CHTF18: variants seen among roughly 807,000 people sequenced by gnomAD.
The protein encoded by CHTF18 is chromosome transmission fidelity factor 18.
CHTF18 carries 151 observed loss-of-function variants against 113.4 expected under a neutral mutation model. That is an observed-to-expected ratio of 1.33 (90% CI 1.17 to 1.52). The LOEUF (loss-of-function observed/expected upper bound fraction) is 1.52. Ranked by LOEUF, CHTF18 falls within the 40% of genes most tolerant of loss-of-function variation. The probability of loss-of-function intolerance (pLI) is 0.00; values close to 1 mark genes in which losing one functional copy is unlikely to be tolerated. For synonymous variants in CHTF18, 916 were observed against 598.8 expected (o/e 1.53, Z -7.74); for missense variants, 1,982 against 1,381.6 (o/e 1.43, Z -6.89).
chr16:788,696 C>G lies in CHTF18; in HGVS notation c.12C>G (p.Tyr4Ter), dbSNP rs1322212197. Reference sequence around the variant, plus strand: ...GGCTCGCGGACGGTATGGAGGACTACGAGCAGGAGCTGTGCGGCGTCGAGG... The same window carrying G: ...GGCTCGCGGACGGTATGGAGGACTAGGAGCAGGAGCTGTGCGGCGTCGAGG... The part of the protein sequence containing the change: MED[Y>*]EQELCGVEDD... The change falls in exon 1 of 22, where the codon TAC (tyrosine) becomes TAG (stop). Residue 4 changes from tyrosine (Y) to a stop codon, truncating the protein, a stop_gained. Transcript: ENST00000262315. LOFTEE classifies it high-confidence loss of function. 23 of 1,594,460 alleles carry G rather than the reference C, an allele frequency of 1.4e-5. No individual in the cohort carries two copies. The highest frequency in any genetic ancestry group is 3.4e-5 in the Admixed American group (2 of 57,976).
chr16:796,112 T>C, intron 18 of CHTF18, 35 bp downstream of exon 18: 1 of 1,582,888 alleles, frequency 6.3e-7, no homozygotes, highest in Non-Finnish European at 8.6e-7. Context: ...TGCTCCAGGG[T>C]CATGCTCCCC....
In CHTF18 at chr16:789,480, C is replaced by T. The variant is rs185791548; in HGVS notation, c.438-67C>T. The T allele has an allele frequency of 1.1e-4, 169 of 1,543,122 alleles. No homozygotes were observed. In the African/African-American group the frequency reaches 1.5e-3, roughly 14 times the overall value. ...AGGGTTCCATGGCTGAGAGCAGTCT[C>T]GGACACCCATATCCAAGGGTGACCC... On this transcript the variant is annotated intron_variant, in intron 3 of 21. Coordinates refer to ENST00000262315, the MANE Select transcript of CHTF18 (RefSeq NM_022092.3).
chr16:795,270 T>C lies in CHTF18; in HGVS notation c.2089T>C (p.Tyr697His). The C allele has an allele frequency of 6.5e-7, 1 of 1,549,108 alleles. No homozygotes were observed. Among genetic ancestry groups the C allele is most frequent in the Non-Finnish European group, 8.7e-7 (1 of 1,146,760 alleles). Residue 697 changes from tyrosine to histidine, a missense_variant, in exon 16 of 22, where the codon TAC becomes CAC. By Grantham distance (83) the Tyr-to-His change is moderately conservative (BLOSUM62 2). Coordinates refer to ENST00000262315, the MANE Select transcript of CHTF18 (RefSeq NM_022092.3). ...CAGCCAGAGCTTCCAGCTGCTGCGC[T>C]ACCCACCCTTCCTGCCCGTGGCCTT... The part of the protein sequence containing the change: ...HHSQSFQLLR[Y>H]PPFLPVAFHV...
At chr16:791,572 G>A (rs369761249) in intron 8 of CHTF18, 7 of 1,433,648 alleles carry the variant, frequency 4.9e-6, no homozygotes, top group Admixed American at 5.7e-5. Flanking sequence ...AGGGCTCTGC[G>A]GCTGGCCAGG....
intron 7 of CHTF18, 196 bp from the exon 8 acceptor site, chr16:790,965 A>G (rs2042180480): frequency 7.0e-7 from 1 of 1,436,428 alleles, no homozygotes; most frequent in Non-Finnish European, 9.1e-7. Flanking sequence ...GGCCTCCCAG[A>G]TGGGTTGTGG....
rs759726281 is a variant in CHTF18, at chr16:791,364, G to A, written c.1098G>A (p.Lys366=). 2.4e-5 allele frequency: 38 copies of A among 1,601,684 alleles called. No homozygotes were observed. Among genetic ancestry groups the A allele is most frequent in the East Asian group, 2.2e-5 (1 of 44,630 alleles). Residue 366 remains lysine (K), a synonymous_variant, in exon 8 of 22, where the codon AAG becomes AAA. Coordinates refer to ENST00000262315, the MANE Select transcript of CHTF18 (RefSeq NM_022092.3). ...EAGLDPSQRP[K]QKVALLCGPP... The stretch of plus-strand genomic sequence containing the variant: ...GGCTGGACCCGAGCCAGCGACCGAA[G>A]CAGAAGGTGAGCCCCGCTGGCTGTG...
chr16:791,622 C>T (rs2042198145), intron 8 of CHTF18: 1 of 1,430,054 alleles, frequency 7.0e-7, no homozygotes, highest in South Asian at 1.5e-5. Flanking sequence ...GGGGGCCAGT[C>T]ACACTGGTAT....
At position 791,385 on chromosome 16, in the gene CHTF18, C is replaced by T; in HGVS notation, c.1104+15C>T. 2 of 1,585,912 alleles carry T rather than the reference C, an allele frequency of 1.3e-6. No individual in the cohort carries two copies. The highest frequency in any genetic ancestry group is 1.1e-5 in the South Asian group (1 of 88,628). ...CGAAGCAGAAGGTGAGCCCCGCTGG[C>T]TGTGCCGCCGGGAACAAGCCTGAGG... is the stretch of plus-strand genomic sequence containing the variant. On this transcript the variant is annotated intron_variant, in intron 8 of 21. Transcript: ENST00000262315.
chr16:797,121 A>AC, intron 20 of CHTF18, 29 bp downstream of exon 20: 1 of 1,492,136 alleles, frequency 6.7e-7, no homozygotes. Context: ...TGGGGGTGGG[A>AC]CCAGGGTACA....
At position 794,076 on chromosome 16, in the gene CHTF18, G is replaced by A. The variant is rs377736001; in HGVS notation, c.1825G>A (p.Ala609Thr). The change falls in exon 15 of 22, where the codon GCC becomes ACC. Residue 609 changes from alanine (A) to threonine (T), a missense_variant. Coordinates refer to ENST00000262315, the MANE Select transcript of CHTF18 (RefSeq NM_022092.3). Reference protein sequence around the residue: ...AQRRRVGQDPALPADTLLLGD... With the variant: ...AQRRRVGQDPTLPADTLLLGD... ...CAGGCGCCGTGTGGGCCAGGACCCC[G>A]CCCTGCCTGCTGACACACTCCTGCT... is the stretch of plus-strand genomic sequence containing the variant. 23 of 1,611,532 alleles carry A rather than the reference G, an allele frequency of 1.4e-5. No homozygotes were observed. Among genetic ancestry groups the A allele is most frequent in the Middle Eastern group, 1.7e-4 (1 of 5,772 alleles).
At position 788,970 on chromosome 16, in the gene CHTF18, C is replaced by G; in HGVS notation, c.131C>G (p.Thr44Ser). ...TCGCCCTCCGGGGTCCCCCTGTTCA[C>G]CGCGGGCCGACCCCCGCGGACGTTC... The part of the protein sequence containing the change: ...TPSPSGVPLF[T>S]AGRPPRTFEE... The change falls in exon 2 of 22, where the codon ACC becomes AGC. Residue 44 changes from threonine (T) to serine (S), a missense_variant. By Grantham distance (58) the Thr-to-Ser change is moderately conservative. Transcript: ENST00000262315. 1 of 1,569,626 alleles carries G rather than the reference C, an allele frequency of 6.4e-7. No homozygotes were observed. Among genetic ancestry groups the G allele is most frequent in the Non-Finnish European group, 8.6e-7 (1 of 1,165,092 alleles).
Position 795,869 on chromosome 16 carries a change from C to T in CHTF18, c.2325+35C>T, listed in dbSNP as rs757561258. The T allele has an allele frequency of 1.3e-5, 21 of 1,606,546 alleles. No homozygotes were observed. The South Asian group carries it at 1.5e-4, about 12-fold the overall frequency. ...GTCCCCGGGGTGGGGGATTCCCCGC[C>T]TGCTGCCCTCCTGTCCTAGGTGAGC... On this transcript the variant is annotated intron_variant, in intron 17 of 21. Transcript: ENST00000262315.
At position 796,364 on chromosome 16, in the gene CHTF18, C is replaced by T. The variant is rs75290040; in HGVS notation, c.2456+287C>T. On this transcript the variant is annotated intron_variant, in intron 18 of 21. Transcript: ENST00000262315. ...AGAGTGACTGCACTTTCCAACACTC[C>T]GTTTCCCGCTGTGGGATGGCCATGG... Among the ~76,000 whole-genome samples the T allele has an allele frequency of 1.7e-3, 261 of 152,290 alleles. 2 individuals carry two copies. Among genetic ancestry groups the T allele is most frequent in the South Asian group, 5.4e-3 (26 of 4,828 alleles).
intron 20 of CHTF18, 43 bp downstream of exon 20, chr16:797,135 C>G (rs553813862): frequency 1.6e-5 from 24 of 1,474,782 alleles, no homozygotes; most frequent in African/African-American, 2.8e-5. Flanking sequence ...GGGTACATAC[C>G]TTTGGGGGTG....
Position 790,288 on chromosome 16 carries a change from C to T in CHTF18, c.699+19C>T, listed in dbSNP as rs778290617. 2 of 1,608,450 alleles carry T rather than the reference C, an allele frequency of 1.2e-6. No individual in the cohort carries two copies. The highest frequency in any genetic ancestry group is 2.2e-5 in the East Asian group (1 of 44,654). ...CGGCGAGGTAGGGGCTGCGGGTTTGCTGGGGGGCGGTGGCGGGGCCGCCTG... is the reference window on the plus strand; with the variant it reads ...CGGCGAGGTAGGGGCTGCGGGTTTGTTGGGGGGCGGTGGCGGGGCCGCCTG... On this transcript the variant is annotated intron_variant, in intron 5 of 21. Coordinates refer to ENST00000262315, the MANE Select transcript of CHTF18 (RefSeq NM_022092.3).
At chr16:788,904 G>A in intron 1 of CHTF18, 27 bp from the exon 2 acceptor site, 2 of 1,511,870 alleles carry the variant, frequency 1.3e-6, no homozygotes, top group Non-Finnish European at 1.8e-6. Flanking sequence ...TCTCGGGGCG[G>A]CCGCTGACAA....
At chr16:796,196 G>C (rs2042342352) in intron 18 of CHTF18, 119 bp downstream of exon 18, 3 of 1,328,738 alleles carry the variant, frequency 2.3e-6, no homozygotes, top group African/African-American at 1.5e-5. Context: ...GGGGGTGGCG[G>C]GCCCCAGCTT....
Position 789,356 on chromosome 16 carries a change from C to A in CHTF18, c.433C>A (p.His145Asn). 1 of 1,588,512 alleles carries A rather than the reference C, an allele frequency of 6.3e-7. No homozygotes were observed. ...TGAGGACCTCGCAGAGCTTTGGGGC[C>A]ACGGGTGTGTGGCTTGGACATGGGC... Reference protein sequence around the residue: ...SPEDLAELWGHGVSEAAADVG... With the variant: ...SPEDLAELWGNGVSEAAADVG... Residue 145 changes from histidine (H) to asparagine (N), a missense_variant, in exon 3 of 22, where the codon CAC becomes AAC. His to Asn is a moderately conservative substitution (Grantham distance 68). Coordinates refer to ENST00000262315, the MANE Select transcript of CHTF18 (RefSeq NM_022092.3).
At chr16:789,935 C>G in intron 4 of CHTF18, 4 of 1,491,390 alleles carry the variant, frequency 2.7e-6, no homozygotes, top group Non-Finnish European at 3.6e-6. Flanking sequence ...GTGGAGAGGG[C>G]CTCCTTGCTT....
Sources: allele counts gnomAD v4.1 joint callset (sites outside exome capture counted in the v4.1 genomes callset), GRCh38; gene constraint gnomAD v4.1.1; transcripts MANE v1.5; gene names NCBI Gene and HGNC (gene_info 2026-07-23, HGNC 2026-07-21).